Variants in RTN4RL1 observed in about 807,000 individuals in gnomAD.
RTN4RL1 encodes the protein reticulon-4 receptor-like 1.
RTN4RL1 carries 7 observed loss-of-function variants against 25.6 expected under a neutral mutation model. The observed-to-expected ratio is 0.27, with a 90% CI of 0.16 to 0.51. The LOEUF is 0.51. Among genes scored for constraint, RTN4RL1 ranks in the 20% least tolerant of loss-of-function variants. The pLI is 0.97. For missense variants in RTN4RL1, 500 were observed against 615.6 expected, an observed-to-expected ratio of 0.81 and a Z score of 1.99; for synonymous variants, 297 against 288.2, an observed-to-expected ratio of 1.03 and a Z score of -0.31.
At chr17:1,964,788 C>CTTTTTTTTT (rs34138766) in intron 1 of RTN4RL1, among the ~76,000 whole-genome samples, 4 of 124,716 alleles carry the variant, frequency 3.2e-5, no homozygotes, top group Admixed American at 8.6e-5. Context: ...CTTTTCTTTT[C>CTTTTTTTTT]TTTTTTTTTT....
At chr17:2,022,895 G>T (rs1447052917) in intron 1 of RTN4RL1, among the ~76,000 whole-genome samples, 2 of 152,278 alleles carry the variant, frequency 1.3e-5, no homozygotes, top group South Asian at 2.1e-4. Context: ...CGCCTCTTGT[G>T]CAGGGTAAGG....
intron 1 of RTN4RL1, among the ~76,000 whole-genome samples, chr17:1,957,943 G>A (rs1201610052): frequency 6.6e-6 from 1 of 152,110 alleles, no homozygotes; most frequent in Non-Finnish European, 1.5e-5. Context: ...TTGGGAGGCC[G>A]AGGCAGGAGG....
chr17:1,971,811 C>T (rs887951388), intron 1 of RTN4RL1, among the ~76,000 whole-genome samples: 1 of 151,646 alleles, frequency 6.6e-6, no homozygotes, highest in Non-Finnish European at 1.5e-5. Flanking sequence ...AAATACAAAA[C>T]ATTAGCCAGG....
chr17:1,987,460 CAAG>C (rs1297259789), intron 1 of RTN4RL1, among the ~76,000 whole-genome samples: 5 of 152,102 alleles, frequency 3.3e-5, no homozygotes, highest in Non-Finnish European at 5.9e-5. Flanking sequence ...GCCAAGAAGC[CAAG>C]AAGGAGAAAC....
chr17:2,013,449 C>T (rs1363411730), intron 1 of RTN4RL1, among the ~76,000 whole-genome samples: 4 of 152,224 alleles, frequency 2.6e-5, no homozygotes, highest in Non-Finnish European at 4.4e-5. Context: ...TCTCTAGCAG[C>T]GGAGCTGGCT....
intron 1 of RTN4RL1, among the ~76,000 whole-genome samples, chr17:2,012,215 C>T (rs752747755): frequency 1.5e-4 from 23 of 152,204 alleles, no homozygotes; most frequent in Non-Finnish European, 3.1e-4. Context: ...AACACATCTG[C>T]CAAGTACAAC....
intron 1 of RTN4RL1, among the ~76,000 whole-genome samples, chr17:1,987,032 T>A (rs1487192532): frequency 3.9e-5 from 6 of 152,118 alleles, no homozygotes; most frequent in African/African-American, 9.7e-5. Flanking sequence ...GGGGACCAAG[T>A]GGGGTTCTGA....
At position 1,937,253 on chromosome 17, in the gene RTN4RL1, G is replaced by A. The variant is rs190874588; in HGVS notation, c.569C>T (p.Pro190Leu). 1.7e-4 allele frequency: 276 copies of A among 1,612,246 alleles called. No homozygotes were observed. In the East Asian group the frequency reaches 3.6e-3, roughly 21 times the overall value. ...LHGNKLWSLG[P>L]GTFRGLVNLD... The stretch of plus-strand genomic sequence containing the variant: ...GTTCACCAGGCCCCGGAAGGTGCCC[G>A]GGCCCAGACTCCACAGCTTGTTGCC... Residue 190 changes from proline (P) to leucine (L), a missense_variant, in exon 2 of 2, where the codon CCG becomes CTG. Around this residue, in one of 2 missense-constraint regions of RTN4RL1, gnomAD observed 232 missense variants for 341.1 expected, o/e 0.68. Transcript: ENST00000331238.
chr17:1,970,848 G>T (rs774183964), intron 1 of RTN4RL1, among the ~76,000 whole-genome samples: 8 of 152,124 alleles, frequency 5.3e-5, no homozygotes, highest in Non-Finnish European at 1.2e-4. Flanking sequence ...AGCAGTGAGT[G>T]GTGCTTAACA....
chr17:1,955,898 C>A (rs1915784049), intron 1 of RTN4RL1, among the ~76,000 whole-genome samples: 1 of 151,982 alleles, frequency 6.6e-6, no homozygotes, highest in Admixed American at 6.6e-5. Flanking sequence ...ATAAGACTTG[C>A]CAGTTGTGGA....
At chr17:2,004,226 G>A (rs902501176) in intron 1 of RTN4RL1, among the ~76,000 whole-genome samples, 1 of 151,084 alleles carries the variant, frequency 6.6e-6, no homozygotes, top group Non-Finnish European at 1.5e-5. Context: ...AAATTAGCCG[G>A]GTGTGGTGGC....
rs2067254100 is a variant in RTN4RL1 at position 2,025,046 on chromosome 17, C to A, written c.-181G>T. On this transcript the variant is annotated 5_prime_UTR_variant, in exon 1 of 2. Transcript: ENST00000331238. This position sits in a 1 kb window ranked among gnomAD's most constrained non-coding sequence, Gnocchi z 4.8. ...GGCATGGTGAGCTCCAGCCCCGCGC[C>A]GAGGGCACCGGCGCCCGCAAGCAAC... 4.0e-6 allele frequency: 2 copies of A among 501,852 alleles called. No homozygotes were observed. The highest frequency in any genetic ancestry group is 4.4e-5 in the Admixed American group (1 of 22,838). 31.1% of individuals were successfully genotyped at this position (501,852 alleles called of 1,614,324 possible).
Position 2,025,194 on chromosome 17 carries a change from CGCCCCCTGGCCGGCCG to C in RTN4RL1, c.-345_-330del, listed in dbSNP as rs557927898. On this transcript the variant is annotated 5_prime_UTR_variant, in exon 1 of 2. Coordinates refer to ENST00000331238, the MANE Select transcript of RTN4RL1 (RefSeq NM_178568.4). This position sits in a 1 kb window ranked among gnomAD's most constrained non-coding sequence, Gnocchi z 4.8. ...CGCAGGCGGTTTTGAGGGGGGACGC[CGCCCCCTGGCCGGCCG>C]GCCGCAGCCCCCTCCTCTCCGCCCC... 8.1e-4 allele frequency: 189 copies of C among 232,658 alleles called. 1 individual carries two copies. The highest frequency in any genetic ancestry group is 1.3e-3 in the Non-Finnish European group (158 of 120,000). The allele number at this position is 232,658 out of a possible 1,614,324, so 14.4% of individuals were successfully genotyped here.
At chr17:1,958,942 C>T (rs1915843935) in intron 1 of RTN4RL1, among the ~76,000 whole-genome samples, 1 of 152,256 alleles carries the variant, frequency 6.6e-6, no homozygotes, top group African/African-American at 2.4e-5. Flanking sequence ...TGCTCAAAAT[C>T]TGATCCTTTT....
Position 1,965,269 on chromosome 17 carries a change from C to T in RTN4RL1, c.14-27461G>A, listed in dbSNP as rs370220058. The stretch of plus-strand genomic sequence containing the variant: ...GGATTACAGGCGCGCGCCCCCCATG[C>T]CCAGCTCGTTTTTCGTATTTTTAGT... On this transcript the variant is annotated intron_variant, in intron 1 of 1. Coordinates refer to ENST00000331238, the MANE Select transcript of RTN4RL1 (RefSeq NM_178568.4). Among the ~76,000 whole-genome samples the T allele has an allele frequency of 3.5e-4, 53 of 151,604 alleles. No individual in the cohort carries two copies. In the East Asian group the frequency reaches 5.1e-3, roughly 14 times the overall value.
intron 1 of RTN4RL1, among the ~76,000 whole-genome samples, chr17:1,970,320 G>A (rs568030619): frequency 5.3e-5 from 8 of 152,146 alleles, no homozygotes; most frequent in African/African-American, 9.6e-5. Context: ...TGTGCCTGGC[G>A]AGGATTTCTC....
At chr17:1,962,564 C>T (rs1215229913) in intron 1 of RTN4RL1, among the ~76,000 whole-genome samples, 1 of 151,760 alleles carries the variant, frequency 6.6e-6, no homozygotes, top group East Asian at 1.9e-4. Context: ...TTGTAACCAC[C>T]TTTTAAGAGT....
chr17:1,937,845 G>T (rs117389630), intron 1 of RTN4RL1, 37 bp from the exon 2 acceptor site: 7 of 1,497,462 alleles, frequency 4.7e-6, no homozygotes, highest in Middle Eastern at 2.4e-4. Flanking sequence ...GTCAGGGGCC[G>T]TGCAGGTGAG....
At chr17:1,981,651 C>G (rs1397361778) in intron 1 of RTN4RL1, among the ~76,000 whole-genome samples, 1 of 152,206 alleles carries the variant, frequency 6.6e-6, no homozygotes, top group African/African-American at 2.4e-5. Context: ...TGAGCCTGCT[C>G]CAGCCTGAGC....
Sources: allele counts gnomAD v4.1 joint callset (sites outside exome capture counted in the v4.1 genomes callset), GRCh38; gene constraint gnomAD v4.1.1; regional missense constraint gnomAD v4.1.1; non-coding constraint Gnocchi (gnomAD v3.1); transcripts MANE v1.5; gene names NCBI Gene and HGNC (gene_info 2026-07-23, HGNC 2026-07-21).